The following HIBCH variants were observed in gnomAD, a reference collection of about 807,000 sequenced individuals.
HIBCH encodes 3-hydroxyisobutyryl-CoA hydrolase.
In HIBCH, 50 loss-of-function variants were observed where a neutral mutation model predicts 58.2. The observed-to-expected ratio is 0.86, with a 90% CI of 0.68 to 1.09. The LOEUF (loss-of-function observed/expected upper bound fraction) is 1.09, where lower values mean the gene tolerates loss of function less well. Among genes scored for constraint, HIBCH ranks in the 50% least tolerant of loss-of-function variants. The probability of loss-of-function intolerance (pLI) is 0.00; values close to 1 mark genes in which losing one functional copy is unlikely to be tolerated. For missense variants in HIBCH, 450 were observed against 449.7 expected (o/e 1.00, Z -0.01); for synonymous variants, 151 against 146.9 (o/e 1.03, Z -0.20).
At position 190,211,484 on chromosome 2, in the gene HIBCH, T is replaced by G. The variant is rs1458958303; in HGVS notation, c.1011+1472A>C. ...TCTCCACACAGCAGCAACAATTTCC[T>G]TCTTAAAGCAAATTGAACCGAATGA... On this transcript the variant is annotated intron_variant, in intron 12 of 13. Coordinates refer to ENST00000359678, the MANE Select transcript of HIBCH (RefSeq NM_014362.4). The surrounding 1 kb of genome is among the most constrained non-coding windows in gnomAD (Gnocchi z 5.0). 6.6e-6 allele frequency among the ~76,000 whole-genome samples: 1 copy of G among 152,188 alleles called. No homozygotes were observed. Among genetic ancestry groups the G allele is most frequent in the Non-Finnish European group, 1.5e-5 (1 of 68,026 alleles).
intron 11 of HIBCH, among the ~76,000 whole-genome samples, chr2:190,234,392 C>A (rs756100578): frequency 3.9e-5 from 6 of 152,136 alleles, no homozygotes; most frequent in Non-Finnish European, 7.4e-5. Flanking sequence ...ACAGTAAAAT[C>A]CTGCAAATAA....
intron 6 of HIBCH, among the ~76,000 whole-genome samples, chr2:190,284,704 A>G (rs1687788265): frequency 6.6e-6 from 1 of 152,194 alleles, no homozygotes; most frequent in Non-Finnish European, 1.5e-5. Context: ...GTATATCACT[A>G]ATCACCCCAT....
chr2:190,192,907 G>A (rs1689784966), intron 1 of HIBCH, among the ~76,000 whole-genome samples: 1 of 151,804 alleles, frequency 6.6e-6, no homozygotes. Flanking sequence ...TTTGGGGGGA[G>A]GCCATATAAT....
chr2:190,228,396 T>C (rs908289759), intron 11 of HIBCH, among the ~76,000 whole-genome samples: 3 of 110,134 alleles, frequency 2.7e-5, no homozygotes, highest in Non-Finnish European at 5.3e-5. Context: ...CACCAGGGAC[T>C]GTTGTGGGGT....
At chr2:190,310,898 TTACCAG>T in intron 1 of HIBCH, 102 bp from the exon 2 acceptor site, 1 of 790,546 alleles carries the variant, frequency 1.3e-6, no homozygotes. Flanking sequence ...CTAAAAGGTA[TTACCAG>T]AACAAAAAGT....
intron 6 of HIBCH, among the ~76,000 whole-genome samples, chr2:190,265,729 T>A (rs1301784600): frequency 6.6e-6 from 1 of 152,218 alleles, no homozygotes; most frequent in Non-Finnish European, 1.5e-5. Flanking sequence ...AAGACTTACT[T>A]TCATTAACAG....
intron 1 of HIBCH, among the ~76,000 whole-genome samples, chr2:190,191,050 C>A (rs898376303): frequency 6.6e-6 from 1 of 152,138 alleles, no homozygotes; most frequent in African/African-American, 2.4e-5. Flanking sequence ...AATCAGCATG[C>A]CTTTGAGTCA....
intron 8 of HIBCH, 115 bp downstream of exon 8, chr2:190,252,047 T>C (rs1199434021): frequency 8.4e-6 from 8 of 949,986 alleles, no homozygotes; most frequent in African/African-American, 4.8e-5. Flanking sequence ...AGGTCCAGGA[T>C]TCACACCACG....
At position 190,244,912 on chromosome 2, in the gene HIBCH, G is replaced by A; in HGVS notation, c.866C>T (p.Ser289Leu). ...EIIENLQQDG[S>L]SFALEQLKVI... ...CTTCAATTGCTCTAGGGCAAAAGAT[G>A]AACCATCTTGCTGTAAGTTTTCAAT... is the stretch of plus-strand genomic sequence containing the variant. The change falls in exon 11 of 14, where the codon TCA becomes TTA. Residue 289 changes from serine (S) to leucine (L), a missense_variant. Coordinates refer to ENST00000359678, the MANE Select transcript of HIBCH (RefSeq NM_014362.4). 1 of 1,611,110 alleles carries A rather than the reference G, an allele frequency of 6.2e-7. No individual in the cohort carries two copies. Among genetic ancestry groups the A allele is most frequent in the Non-Finnish European group, 8.5e-7 (1 of 1,177,278 alleles).
intron 2 of HIBCH, among the ~76,000 whole-genome samples, chr2:190,308,310 A>G (rs1688467490): frequency 6.6e-6 from 1 of 152,144 alleles, no homozygotes; most frequent in Admixed American, 6.5e-5. Flanking sequence ...ACCTCCATGT[A>G]TAACAGCTGA....
chr2:190,293,744 C>A (rs905021367), intron 4 of HIBCH, among the ~76,000 whole-genome samples: 1 of 151,482 alleles, frequency 6.6e-6, no homozygotes, highest in African/African-American at 2.4e-5. Context: ...AAAAACCATC[C>A]CTGAACCCTA....
At chr2:190,261,742 T>TGG (rs1290082508) in intron 6 of HIBCH, among the ~76,000 whole-genome samples, 1 of 152,182 alleles carries the variant, frequency 6.6e-6, no homozygotes, top group Non-Finnish European at 1.5e-5. Context: ...CCACTAGCCA[T>TGG]GGGGGCTTCA....
At position 190,217,998 on chromosome 2, in the gene HIBCH, G is replaced by A. The variant is rs1217973991; in HGVS notation, c.892-4923C>T. ...ATTAATCCTAACACAAGGGGTAAAAGGAAACCCTATTGGATAGGGCCCAGT... is the reference window on the plus strand; with the variant it reads ...ATTAATCCTAACACAAGGGGTAAAAAGAAACCCTATTGGATAGGGCCCAGT... On this transcript the variant is annotated intron_variant, in intron 11 of 13. Transcript: ENST00000359678. The surrounding 1 kb of genome is among the most constrained non-coding windows in gnomAD (Gnocchi z 4.6). Among the ~76,000 whole-genome samples the A allele has an allele frequency of 6.6e-6, 1 of 152,070 alleles. No homozygotes were observed. The highest frequency in any genetic ancestry group is 1.5e-5 in the Non-Finnish European group (1 of 68,006).
chr2:190,253,963 A>G (rs1686852645), intron 7 of HIBCH, among the ~76,000 whole-genome samples: 1 of 151,434 alleles, frequency 6.6e-6, no homozygotes, highest in Admixed American at 6.6e-5. Context: ...CCTTCCCCCA[A>G]TTCTGCTTCT....
chr2:190,300,650 A>T (rs1412058300), intron 2 of HIBCH, among the ~76,000 whole-genome samples: 1 of 151,920 alleles, frequency 6.6e-6, no homozygotes, highest in Non-Finnish European at 1.5e-5. Flanking sequence ...GAAGCTCTTT[A>T]CTTTAATTAG....
chr2:190,304,641 C>T lies in HIBCH; in HGVS notation c.78+6113G>A, dbSNP rs1330115887. On this transcript the variant is annotated intron_variant, in intron 2 of 13. Coordinates refer to ENST00000359678, the MANE Select transcript of HIBCH (RefSeq NM_014362.4). This position sits in a 1 kb window ranked among gnomAD's most constrained non-coding sequence, Gnocchi z 4.1. Reference sequence around the variant, plus strand: ...AATATTCTCAGTTTTGATAAGTGTACCATAGTAAGAATAGTAGGCAGTTTG... The same window carrying T: ...AATATTCTCAGTTTTGATAAGTGTATCATAGTAAGAATAGTAGGCAGTTTG... Among the ~76,000 whole-genome samples the T allele has an allele frequency of 1.3e-5, 2 of 152,070 alleles. No homozygotes were observed. The highest frequency in any genetic ancestry group is 4.8e-5 in the African/African-American group (2 of 41,408).
chr2:190,311,961 G>T (rs1688569011), intron 1 of HIBCH, among the ~76,000 whole-genome samples: 1 of 152,170 alleles, frequency 6.6e-6, no homozygotes, highest in Non-Finnish European at 1.5e-5. Flanking sequence ...GGGGGCACCT[G>T]GGAAGGGGCA....
At chr2:190,222,563 A>T (rs1205669671) in intron 11 of HIBCH, among the ~76,000 whole-genome samples, 1 of 152,238 alleles carries the variant, frequency 6.6e-6, no homozygotes, top group Non-Finnish European at 1.5e-5. Context: ...AATCAAAACC[A>T]TAATGAGATA....
intron 6 of HIBCH, among the ~76,000 whole-genome samples, chr2:190,270,026 A>G (rs1687346050): frequency 6.6e-6 from 1 of 152,154 alleles, no homozygotes; most frequent in Non-Finnish European, 1.5e-5. Context: ...ATGAGAACAC[A>G]TGGACACAGG....
Sources: allele counts gnomAD v4.1 joint callset (sites outside exome capture counted in the v4.1 genomes callset), GRCh38; gene constraint gnomAD v4.1.1; non-coding constraint Gnocchi (gnomAD v3.1); transcripts MANE v1.5; gene names NCBI Gene and HGNC (gene_info 2026-07-23, HGNC 2026-07-21).